The following RANBP2 variants were observed in gnomAD, a reference collection of about 807,000 sequenced individuals.
RANBP2 encodes the protein RAN binding protein 2, also known as E3 SUMO-protein ligase RanBP2.
RANBP2 carries 57 observed loss-of-function variants against 303.6 expected under a neutral mutation model. The ratio of observed to expected loss-of-function variants is 0.19; its 90% CI spans 0.15 to 0.23. The LOEUF (loss-of-function observed/expected upper bound fraction) is 0.23, where lower values mean the gene tolerates loss of function less well. RANBP2 is among the 10% of genes least tolerant of loss of function. RANBP2 has a pLI of 1.00. For missense variants in RANBP2, 3,138 were observed against 3,780.8 expected (o/e 0.83, Z 4.46); for synonymous variants, 1,167 against 1,301.5 (o/e 0.90, Z 2.23).
the RANBP2 span, among the ~76,000 whole-genome samples, chr2:109,421,200 T>C: frequency 6.6e-6 from 1 of 152,220 alleles, no homozygotes; most frequent in Non-Finnish European, 1.5e-5. Flanking sequence ...CACAGTGGGA[T>C]AGCCCTGATG....
chr2:109,625,699 G>A, the RANBP2 span, among the ~76,000 whole-genome samples: 1 of 151,888 alleles, frequency 6.6e-6, no homozygotes, highest in Non-Finnish European at 1.5e-5. Flanking sequence ...AATAAATGAA[G>A]TAGAGCCATA....
the RANBP2 span, among the ~76,000 whole-genome samples, chr2:109,342,162 C>T: frequency 6.6e-6 from 1 of 152,202 alleles, no homozygotes; most frequent in African/African-American, 2.4e-5. Context: ...GGGCTGAGCC[C>T]CTGGCTGGAA....
chr2:108,785,922 A>G (rs1237287408), downstream of RANBP2: 4 of 152,198 alleles, frequency 2.6e-5, no homozygotes, highest in Non-Finnish European at 5.9e-5. Flanking sequence ...AATCCAGAGA[A>G]TTTAGGAGTT....
the RANBP2 span, among the ~76,000 whole-genome samples, chr2:109,701,090 C>G: frequency 1.3e-5 from 2 of 152,314 alleles, no homozygotes; most frequent in African/African-American, 4.8e-5. Flanking sequence ...AGCCTTGCCG[C>G]TTGCTTTACA....
chr2:109,628,500 T>TAATTAATA, the RANBP2 span, among the ~76,000 whole-genome samples: 12 of 146,928 alleles, frequency 8.2e-5, no homozygotes, highest in South Asian at 6.6e-4. Flanking sequence ...TCTCAAAAAA[T>TAATTAATA]AATAAATAAA....
In RANBP2 at chr2:108,767,993, G is replaced by T. The variant is rs767688487; in HGVS notation, c.7454G>T (p.Gly2485Val). The change falls in exon 20 of 29, where the codon GGT (glycine) becomes GTT (valine). Residue 2485 changes from glycine (G) to valine (V), a missense_variant. Physicochemically the swap from Gly to Val is moderately radical, Grantham distance 109 (BLOSUM62 -3). Coordinates refer to ENST00000283195, the MANE Select transcript of RANBP2 (RefSeq NM_006267.5). ...AGAGAGAGGACAGATGTTATTCAGGGTGATGATGTAGCAGATGCAACTTCA... is the reference window on the plus strand; with the variant it reads ...AGAGAGAGGACAGATGTTATTCAGGTTGATGATGTAGCAGATGCAACTTCA... ...TTRERTDVIQ[G>V]DDVADATSEV... 22 of 1,611,970 alleles carry T rather than the reference G, an allele frequency of 1.4e-5. No homozygotes were observed. In the East Asian group the frequency reaches 3.1e-4, roughly 23 times the overall value.
At chr2:109,731,322 A>G in the RANBP2 span, among the ~76,000 whole-genome samples, 8 of 152,184 alleles carry the variant, frequency 5.3e-5, no homozygotes, top group Middle Eastern at 3.2e-3. Flanking sequence ...ATATTGGAAG[A>G]TGACCCAATA....
the RANBP2 span, among the ~76,000 whole-genome samples, chr2:109,159,730 A>G: frequency 2.6e-5 from 4 of 152,116 alleles, no homozygotes; most frequent in African/African-American, 9.7e-5. Flanking sequence ...CTTGATTTCC[A>G]TCTTTTGTCT....
chr2:109,145,863 G>A, the RANBP2 span, among the ~76,000 whole-genome samples: 100 of 152,258 alleles, frequency 6.6e-4, no homozygotes, highest in African/African-American at 2.2e-3. Flanking sequence ...GGACGGAGCC[G>A]CAGAGCTGGG....
At chr2:109,283,000 G>A in the RANBP2 span, among the ~76,000 whole-genome samples, 2 of 152,208 alleles carry the variant, frequency 1.3e-5, no homozygotes, top group African/African-American at 4.8e-5. Flanking sequence ...AGGAAGGGGT[G>A]ACTGCTTGGC....
the RANBP2 span, among the ~76,000 whole-genome samples, chr2:109,459,922 A>T: frequency 6.6e-6 from 1 of 152,178 alleles, no homozygotes; most frequent in Non-Finnish European, 1.5e-5. Flanking sequence ...GAGAAATAGC[A>T]CCATATATTT....
chr2:108,958,165 A>G, the RANBP2 span, among the ~76,000 whole-genome samples: 3 of 152,208 alleles, frequency 2.0e-5, 1 homozygote, highest in South Asian at 6.2e-4. Context: ...GCGGGAGAGA[A>G]AAAAAGGGCC....
the RANBP2 span, among the ~76,000 whole-genome samples, chr2:109,188,378 T>C: frequency 6.6e-6 from 1 of 152,264 alleles, no homozygotes; most frequent in East Asian, 1.9e-4. Context: ...ACCTCCAGGG[T>C]TGCATGGGAG....
the RANBP2 span, among the ~76,000 whole-genome samples, chr2:109,240,516 C>G: frequency 6.6e-6 from 1 of 152,064 alleles, no homozygotes; most frequent in Non-Finnish European, 1.5e-5. Context: ...AAACTAAAAC[C>G]AGAGTCAGGG....
At chr2:108,854,326 T>C in the RANBP2 span, among the ~76,000 whole-genome samples, 83 of 151,786 alleles carry the variant, frequency 5.5e-4, no homozygotes, top group African/African-American at 2.0e-3. Context: ...ACTTCAACTC[T>C]ATAGTCAGAC....
At chr2:108,976,675 A>AT in the RANBP2 span, among the ~76,000 whole-genome samples, 1,541 of 152,232 alleles carry the variant, frequency 0.01, 19 homozygotes, top group Middle Eastern at 0.02. Flanking sequence ...ATGGGTATTT[A>AT]TTTTAAACTC....
At chr2:108,925,498 T>C in the RANBP2 span, among the ~76,000 whole-genome samples, 1 of 152,228 alleles carries the variant, frequency 6.6e-6, no homozygotes, top group African/African-American at 2.4e-5. Context: ...GTCTTTGACT[T>C]GTCCTGGGCA....
the RANBP2 span, among the ~76,000 whole-genome samples, chr2:109,713,457 G>A: frequency 2.0e-5 from 3 of 152,186 alleles, no homozygotes; most frequent in Admixed American, 1.3e-4. Flanking sequence ...TCCAGAACGT[G>A]CCTCTGAGCT....
chr2:109,361,546 T>C, the RANBP2 span, among the ~76,000 whole-genome samples: 1 of 152,190 alleles, frequency 6.6e-6, no homozygotes, highest in Non-Finnish European at 1.5e-5. Flanking sequence ...CGATCTTGGC[T>C]CATTGCAACC....
Sources: allele counts gnomAD v4.1 joint callset (sites outside exome capture counted in the v4.1 genomes callset), GRCh38; gene constraint gnomAD v4.1.1; transcripts MANE v1.5; gene names NCBI Gene and HGNC (gene_info 2026-07-23, HGNC 2026-07-21).